PRKAR2A: variants seen among roughly 807,000 people sequenced by gnomAD.
The protein encoded by PRKAR2A is protein kinase cAMP-dependent type II regulatory subunit alpha, also known as cAMP-dependent protein kinase type II-alpha regulatory subunit.
In PRKAR2A, 29 loss-of-function variants were observed where a neutral mutation model predicts 51.9. That is an observed-to-expected ratio of 0.56 (90% CI 0.42 to 0.76). PRKAR2A has a LOEUF of 0.76. Ranked by LOEUF, PRKAR2A falls within the 30% of genes least tolerant of loss-of-function variation. The probability of loss-of-function intolerance (pLI) is 0.00; values close to 1 mark genes in which losing one functional copy is unlikely to be tolerated. For synonymous variants in PRKAR2A, 178 were observed against 186.2 expected (o/e 0.96, Z 0.36); for missense variants, 445 against 512.1 (o/e 0.87, Z 1.26).
intron 1 of PRKAR2A, among the ~76,000 whole-genome samples, chr3:48,836,408 G>A (rs1345897778): frequency 4.4e-4 from 31 of 70,556 alleles, no homozygotes; most frequent in Middle Eastern, 0.011. Flanking sequence ...GCGACAGTGC[G>A]AGACTCCGTC....
intron 1 of PRKAR2A, among the ~76,000 whole-genome samples, chr3:48,833,510 C>T: frequency 6.6e-6 from 1 of 151,056 alleles, no homozygotes; most frequent in Non-Finnish European, 1.5e-5. Flanking sequence ...GAGTTCAAGA[C>T]CAGCCTGGCC....
intron 5 of PRKAR2A, among the ~76,000 whole-genome samples, chr3:48,777,998 C>T (rs540974824): frequency 3.3e-5 from 5 of 152,262 alleles, no homozygotes; most frequent in South Asian, 4.1e-4. Context: ...GAGAGCCTCT[C>T]GACCTTTCCC....
At chr3:48,810,260 A>G (rs1018688899) in intron 1 of PRKAR2A, among the ~76,000 whole-genome samples, 3 of 152,120 alleles carry the variant, frequency 2.0e-5, no homozygotes, top group African/African-American at 7.2e-5. Flanking sequence ...ACACGTATAG[A>G]TGAATATATA....
intron 1 of PRKAR2A, among the ~76,000 whole-genome samples, chr3:48,812,189 C>T (rs930273795): frequency 4.7e-5 from 7 of 150,030 alleles, no homozygotes; most frequent in East Asian, 1.9e-4. Context: ...TTAAGTACAA[C>T]GAAAATAGGA....
At chr3:48,794,859 T>C (rs2082464456) in intron 2 of PRKAR2A, among the ~76,000 whole-genome samples, 1 of 152,112 alleles carries the variant, frequency 6.6e-6, no homozygotes, top group East Asian at 1.9e-4. Context: ...TACTGGTTAA[T>C]TTTTCCAAAA....
chr3:48,754,926 AAG>A (rs985601802), intron 9 of PRKAR2A, among the ~76,000 whole-genome samples: 5 of 151,438 alleles, frequency 3.3e-5, no homozygotes, highest in African/African-American at 1.2e-4. Context: ...AAAAAAAAAA[AAG>A]AGAGAGAGAG....
chr3:48,823,964 C>T (rs1298199544), intron 1 of PRKAR2A, among the ~76,000 whole-genome samples: 2 of 152,130 alleles, frequency 1.3e-5, no homozygotes, highest in Non-Finnish European at 2.9e-5. Flanking sequence ...TGGTGGCTCA[C>T]GCCTGTAATC....
rs1246509452 is a variant in PRKAR2A at position 48,746,592 on chromosome 3, G to A, written c.*4993C>T. The A allele has an allele frequency of 2.0e-5, 3 of 152,108 alleles. No individual in the cohort carries two copies. Among genetic ancestry groups the A allele is most frequent in the Non-Finnish European group, 4.4e-5 (3 of 68,022 alleles). The allele number at this position is 152,108 out of a possible 1,614,324, so 9.4% of individuals were successfully genotyped here. A position where few individuals can be genotyped will look rare whatever the true frequency, so the allele number is the denominator to read the frequency against. On this transcript the variant is annotated 3_prime_UTR_variant, in exon 11 of 11. Coordinates refer to ENST00000265563, the MANE Select transcript of PRKAR2A (RefSeq NM_004157.4). ...TGCACCAGAAAGTCAGACATGATTTGTCAGCCTTTATTAATCAAGAGTAAA... is the reference window on the plus strand; with the variant it reads ...TGCACCAGAAAGTCAGACATGATTTATCAGCCTTTATTAATCAAGAGTAAA...
At chr3:48,828,708 C>CAAAA (rs547132768) in intron 1 of PRKAR2A, among the ~76,000 whole-genome samples, 19 of 83,262 alleles carry the variant, frequency 2.3e-4, no homozygotes, top group East Asian at 1.0e-3. Flanking sequence ...CCCCTGTCTC[C>CAAAA]AAAAAAAAAA....
At chr3:48,827,051 T>A (rs980730892) in intron 1 of PRKAR2A, among the ~76,000 whole-genome samples, 15 of 152,188 alleles carry the variant, frequency 9.9e-5, no homozygotes, top group Non-Finnish European at 4.4e-5. Flanking sequence ...CAGATACCAC[T>A]TATCTACTAA....
chr3:48,803,943 G>A (rs1000672795), intron 2 of PRKAR2A, among the ~76,000 whole-genome samples: 1 of 151,836 alleles, frequency 6.6e-6, no homozygotes, highest in Non-Finnish European at 1.5e-5. Context: ...TAGCCTGGGC[G>A]ACAAGGCAAG....
In PRKAR2A at chr3:48,758,624, A is replaced by C. The variant is rs375681824; in HGVS notation, c.874-2180T>G. Among the ~76,000 whole-genome samples the C allele has an allele frequency of 1.2e-4, 19 of 152,052 alleles. No individual in the cohort carries two copies. The East Asian group carries it at 2.5e-3, about 20-fold the overall frequency. ...AGAGAAAAGGAAAACAAAATGAAGA[A>C]GACAGCAGAGACTAGGGTATGTGTA... is the stretch of plus-strand genomic sequence containing the variant. On this transcript the variant is annotated intron_variant, in intron 8 of 10. Coordinates refer to ENST00000265563, the MANE Select transcript of PRKAR2A (RefSeq NM_004157.4).
intron 4 of PRKAR2A, among the ~76,000 whole-genome samples, chr3:48,788,047 T>C (rs1415561730): frequency 6.6e-6 from 1 of 152,196 alleles, no homozygotes; most frequent in Non-Finnish European, 1.5e-5. Flanking sequence ...TTTAGCTTTT[T>C]TGAGATGGAA....
intron 1 of PRKAR2A, among the ~76,000 whole-genome samples, chr3:48,831,768 C>G (rs1381044549): frequency 6.6e-6 from 1 of 151,958 alleles, no homozygotes; most frequent in African/African-American, 2.4e-5. Flanking sequence ...AGGTGTGCAC[C>G]ACCACACCTG....
rs1208264598 is a variant in PRKAR2A, at chr3:48,819,729, G to A, written c.263-12045C>T. 9.9e-5 allele frequency among the ~76,000 whole-genome samples: 15 copies of A among 152,102 alleles called. 1 individual carries two copies. The highest frequency in any genetic ancestry group is 9.8e-4 in the Admixed American group (15 of 15,262). ...ACAGATGATAAGCTCCTATAGTCAA[G>A]TGCACTTTTATCCTCCCCTGTCCCA... On this transcript the variant is annotated intron_variant, in intron 1 of 10. Coordinates refer to ENST00000265563, the MANE Select transcript of PRKAR2A (RefSeq NM_004157.4).
downstream of PRKAR2A, among the ~76,000 whole-genome samples, chr3:48,745,328 C>A (rs770421412): frequency 2.6e-5 from 4 of 152,104 alleles, no homozygotes; most frequent in East Asian, 7.7e-4. Flanking sequence ...AGCCACCATA[C>A]CCAGCTCTGC....
At position 48,814,348 on chromosome 3, in the gene PRKAR2A, G is replaced by A. The variant is rs138115772; in HGVS notation, c.263-6664C>T. On this transcript the variant is annotated intron_variant, in intron 1 of 10. Transcript: ENST00000265563. Reference sequence around the variant, plus strand: ...CAAGAGAATTGCTTGAACCACGGAGGTGGAGGTTTCAGTGAGCCAAGATTT... The same window carrying A: ...CAAGAGAATTGCTTGAACCACGGAGATGGAGGTTTCAGTGAGCCAAGATTT... Among the ~76,000 whole-genome samples, 29 of 152,260 alleles carry A rather than the reference G, an allele frequency of 1.9e-4. No homozygotes were observed. The East Asian group carries it at 3.1e-3, about 16-fold the overall frequency.
At chr3:48,811,213 T>G (rs1374231004) in intron 1 of PRKAR2A, among the ~76,000 whole-genome samples, 3 of 151,188 alleles carry the variant, frequency 2.0e-5, no homozygotes, top group East Asian at 3.9e-4. Context: ...ATGGGGCAGG[T>G]GTAGTGGCTC....
intron 1 of PRKAR2A, among the ~76,000 whole-genome samples, chr3:48,835,194 C>T (rs190525859): frequency 6.6e-6 from 1 of 151,924 alleles, no homozygotes; most frequent in East Asian, 2.0e-4. Context: ...TGGTCTCGAA[C>T]TCCTGATCTC....
Sources: allele counts gnomAD v4.1 joint callset (sites outside exome capture counted in the v4.1 genomes callset), GRCh38; gene constraint gnomAD v4.1.1; transcripts MANE v1.5; gene names NCBI Gene and HGNC (gene_info 2026-07-23, HGNC 2026-07-21).